Variants in DLG1 observed in about 807,000 individuals in gnomAD.
The protein encoded by DLG1 is disks large homolog 1.
Under a neutral mutation model 123.4 loss-of-function variants are expected in DLG1, and 42 were observed. That is an observed-to-expected ratio of 0.34 (90% CI 0.27 to 0.44). The LOEUF (loss-of-function observed/expected upper bound fraction) is 0.44, where lower values mean the gene tolerates loss of function less well. DLG1 is among the 20% of genes least tolerant of loss of function. The probability of loss-of-function intolerance (pLI) is 1.00; values close to 1 mark genes in which losing one functional copy is unlikely to be tolerated. For missense variants in DLG1, 942 were observed against 1,082.6 expected (o/e 0.87, Z 1.82); for synonymous variants, 317 against 356.2 (o/e 0.89, Z 1.24).
At chr3:197,064,195 AT>A (rs58846947) in intron 22 of DLG1, among the ~76,000 whole-genome samples, 638 of 115,832 alleles carry the variant, frequency 5.5e-3, no homozygotes, top group East Asian at 5.8e-3. Flanking sequence ...GCCTGGCCTT[AT>A]TTTTTTTTTT....
At position 197,186,698 on chromosome 3, in the gene DLG1, C is replaced by T. The variant is rs758033347; in HGVS notation, c.483+7727G>A. 2.0e-5 allele frequency among the ~76,000 whole-genome samples: 3 copies of T among 152,142 alleles called. No individual in the cohort carries two copies. The East Asian group carries it at 5.8e-4, about 29-fold the overall frequency. ...TTGTGTACGTTTCTAAAGTCACAAA[C>T]CCAGCAGTCTTTAGGTACAGAAACA... On this transcript the variant is annotated intron_variant, in intron 5 of 24. Transcript: ENST00000667157.
In DLG1 at chr3:197,080,923, A is replaced by C. The variant is rs574933104; in HGVS notation, c.1905+128T>G. On this transcript the variant is annotated intron_variant, in intron 17 of 24. Coordinates refer to ENST00000667157, the MANE Select transcript of DLG1 (RefSeq NM_001366207.1). ...GGGTGCTTGAATTTAACAAATGCTT[A>C]AGTATCTACCATTGTAAAGCACCAT... 4 of 713,646 alleles carry C rather than the reference A, an allele frequency of 5.6e-6. No individual in the cohort carries two copies. In the East Asian group the frequency reaches 1.2e-4, roughly 21 times the overall value. The allele number at this position is 713,646 out of a possible 1,614,324, so 44.2% of individuals were successfully genotyped here.
chr3:197,213,521 T>G (rs1245582290), intron 4 of DLG1, among the ~76,000 whole-genome samples: 1 of 152,140 alleles, frequency 6.6e-6, no homozygotes, highest in Admixed American at 6.5e-5. Context: ...CTAATCAAAC[T>G]GTACGCTTTA....
chr3:197,136,525 A>G lies in DLG1; in HGVS notation c.1020+17T>C. 6.3e-7 allele frequency: 1 copy of G among 1,593,452 alleles called. No homozygotes were observed. Among genetic ancestry groups the G allele is most frequent in the African/African-American group, 1.3e-5 (1 of 74,088 alleles). On this transcript the variant is annotated intron_variant, in intron 10 of 24. Coordinates refer to ENST00000667157, the MANE Select transcript of DLG1 (RefSeq NM_001366207.1). ...ACTACAAAATGATTTAAAAGACAAT[A>G]GATTTCTTATACTTACTGCTAAAAG... is the stretch of plus-strand genomic sequence containing the variant.
At position 197,138,327 on chromosome 3, in the gene DLG1, C is replaced by T; in HGVS notation, c.778G>A (p.Val260Ile). The change falls in exon 9 of 25, where the codon GTT (valine) becomes ATT (isoleucine). Residue 260 changes from valine to isoleucine, a missense_variant. Transcript: ENST00000667157. ...DVRDVTHSKA[V>I]EALKEAGSIV... is the part of the protein sequence containing the mutation. ...GACCCTGCTTCTTTCAACGCTTCAA[C>T]TGCTTTGCTATGTGTTACATCACGA... is the stretch of plus-strand genomic sequence containing the variant. The T allele has an allele frequency of 6.2e-7, 1 of 1,602,084 alleles. No individual in the cohort carries two copies. The highest frequency in any genetic ancestry group is 8.5e-7 in the Non-Finnish European group (1 of 1,172,142).
At chr3:197,081,010 C>CA in intron 17 of DLG1, 41 bp downstream of exon 17, 1 of 1,562,154 alleles carries the variant, frequency 6.4e-7, no homozygotes, top group Non-Finnish European at 8.8e-7. Context: ...CAATGTAGCT[C>CA]AAACAGGAAT....
intron 5 of DLG1, among the ~76,000 whole-genome samples, chr3:197,167,368 A>G (rs1801969579): frequency 6.6e-6 from 1 of 152,244 alleles, no homozygotes; most frequent in South Asian, 2.1e-4. Flanking sequence ...TGAATGGGAT[A>G]TACTCATACA....
intron 4 of DLG1, among the ~76,000 whole-genome samples, chr3:197,260,892 G>GT (rs1225706003): frequency 2.0e-5 from 3 of 151,350 alleles, no homozygotes; most frequent in Admixed American, 6.6e-5. Flanking sequence ...ATTCCATGTG[G>GT]TTTTTTGAGA....
At chr3:197,230,455 CTATT>C (rs1298992929) in intron 4 of DLG1, among the ~76,000 whole-genome samples, 2 of 152,108 alleles carry the variant, frequency 1.3e-5, no homozygotes, top group Non-Finnish European at 2.9e-5. Context: ...AAACATCCAA[CTATT>C]TAGTCATGAA....
At position 197,296,413 on chromosome 3, in the gene DLG1, T is replaced by A. The variant is rs771768390; in HGVS notation, c.84A>T (p.Arg28Ser). 7.4e-6 allele frequency: 12 copies of A among 1,613,360 alleles called. No individual in the cohort carries two copies. The highest frequency in any genetic ancestry group is 8.5e-6 in the Non-Finnish European group (10 of 1,179,442). ...CCCGTTCTATGGAACTTCTGAGCTGTCTGTCTTCAGTTTGGCTTAGTTTTG... is the reference window on the plus strand; with the variant it reads ...CCCGTTCTATGGAACTTCTGAGCTGACTGTCTTCAGTTTGGCTTAGTTTTG... ...YRSKLSQTED[R>S]QLRSSIERVI... is the part of the protein sequence containing the mutation. Residue 28 changes from arginine to serine, a missense_variant, in exon 3 of 25, where the codon AGA becomes AGT. By Grantham distance (110) the Arg-to-Ser change is moderately radical. Transcript: ENST00000667157.
At chr3:197,193,063 G>A (rs1720516119) in intron 5 of DLG1, among the ~76,000 whole-genome samples, 1 of 152,060 alleles carries the variant, frequency 6.6e-6, no homozygotes, top group Non-Finnish European at 1.5e-5. Context: ...ATTTTAACCA[G>A]TAGTATGATA....
chr3:197,273,702 T>C (rs1764961542), intron 4 of DLG1, among the ~76,000 whole-genome samples: 1 of 151,636 alleles, frequency 6.6e-6, no homozygotes, highest in South Asian at 2.1e-4. Flanking sequence ...ACTGAAGGGC[T>C]GAAAGGGGGG....
intron 4 of DLG1, among the ~76,000 whole-genome samples, chr3:197,273,391 C>A (rs1430916820): frequency 2.0e-5 from 3 of 151,914 alleles, no homozygotes; most frequent in Admixed American, 1.3e-4. Context: ...GTGCCCGCCA[C>A]AACAACCGGC....
chr3:197,115,814 G>A, intron 13 of DLG1, 113 bp downstream of exon 13: 1 of 1,025,446 alleles, frequency 9.8e-7, no homozygotes, highest in Non-Finnish European at 1.4e-6. Flanking sequence ...AAAATGTTAA[G>A]AAGATAACCA....
At chr3:197,145,079 ACG>A (rs1790081279) in intron 6 of DLG1, among the ~76,000 whole-genome samples, 2 of 151,796 alleles carry the variant, frequency 1.3e-5, no homozygotes, top group Non-Finnish European at 2.9e-5. Flanking sequence ...ACACACACAC[ACG>A]TAAAATCTCT....
At chr3:197,189,374 T>C (rs79266025) in intron 5 of DLG1, among the ~76,000 whole-genome samples, 6,142 of 152,272 alleles carry the variant, frequency 0.04, 178 homozygotes, top group Non-Finnish European at 0.054. Flanking sequence ...ACAGGAAATA[T>C]ACAAGAAAAT....
chr3:197,297,566 G>GT, intron 1 of DLG1: 1 of 1,055,726 alleles, frequency 9.5e-7, no homozygotes, highest in Non-Finnish European at 1.1e-6. Flanking sequence ...ACGGGCGGGT[G>GT]AAGCGCTCCG....
chr3:197,123,417 C>T (rs1777427633), intron 11 of DLG1, among the ~76,000 whole-genome samples: 2 of 151,886 alleles, frequency 1.3e-5, no homozygotes, highest in African/African-American at 4.8e-5. Context: ...ATAATAAAAC[C>T]AATGGAAAAA....
At chr3:197,046,879 CAA>C (rs1003509871) in intron 24 of DLG1, among the ~76,000 whole-genome samples, 16 of 151,088 alleles carry the variant, frequency 1.1e-4, no homozygotes, top group African/African-American at 3.9e-4. Context: ...CAAAAAAAAA[CAA>C]AAGACAAAAA....
Sources: gnomAD v4.1 joint callset for allele counts (sites outside exome capture counted in the v4.1 genomes callset) on GRCh38, gnomAD v4.1.1 for gene constraint, MANE v1.5 for transcripts, NCBI Gene and HGNC (gene_info 2026-07-23, HGNC 2026-07-21) for gene names.